Variants in ZNF98 observed in about 807,000 individuals in gnomAD.
ZNF98 encodes the protein zinc finger protein 98.
In ZNF98, 8 loss-of-function variants were observed where a neutral mutation model predicts 12.8. The observed-to-expected ratio is 0.63, with a 90% CI of 0.37 to 1.13. The LOEUF (loss-of-function observed/expected upper bound fraction) is 1.13, where lower values mean the gene tolerates loss of function less well. Among genes scored for constraint, ZNF98 ranks in the 50% most tolerant of loss-of-function variants. The pLI is 0.01. For missense variants in ZNF98, 379 were observed against 666.1 expected, an observed-to-expected ratio of 0.57 and a Z score of 4.74; for synonymous variants, 112 against 223.5, an observed-to-expected ratio of 0.50 and a Z score of 4.45.
intron 1 of ZNF98, among the ~76,000 whole-genome samples, chr19:22,416,967 C>T (rs1464629585): frequency 1.3e-5 from 2 of 152,106 alleles, no homozygotes; most frequent in South Asian, 2.1e-4. Flanking sequence ...CAGTGGCTCA[C>T]GCCTGTAATC....
chr19:22,397,594 G>A (rs1364217991), intron 3 of ZNF98, among the ~76,000 whole-genome samples: 3 of 147,776 alleles, frequency 2.0e-5, no homozygotes, highest in East Asian at 4.0e-4. Flanking sequence ...AGTATACAAC[G>A]AGAAAAAAAA....
intron 1 of ZNF98, 27 bp downstream of exon 1, chr19:22,422,168 T>C (rs758623993): frequency 6.2e-7 from 1 of 1,612,562 alleles, no homozygotes; most frequent in Non-Finnish European, 8.5e-7. Flanking sequence ...TTCTCCTCTC[T>C]AGGGATGTCG....
intron 1 of ZNF98, among the ~76,000 whole-genome samples, chr19:22,403,973 C>A (rs1969490375): frequency 3.9e-5 from 6 of 152,260 alleles, no homozygotes; most frequent in Admixed American, 1.3e-4. Context: ...GTAATCCCAG[C>A]ACTTTGGGAG....
At chr19:22,417,229 CAAAAAAAA>C (rs57152900) in intron 1 of ZNF98, among the ~76,000 whole-genome samples, 10 of 45,480 alleles carry the variant, frequency 2.2e-4, no homozygotes, top group African/African-American at 8.5e-4. Flanking sequence ...AACTCCATCT[CAAAAAAAA>C]AAAAAAAAAA....
At chr19:22,419,894 C>T (rs1969685163) in intron 1 of ZNF98, among the ~76,000 whole-genome samples, 1 of 151,980 alleles carries the variant, frequency 6.6e-6, no homozygotes, top group African/African-American at 2.4e-5. Flanking sequence ...CACGGTGGCT[C>T]AGCCTGTAGT....
At chr19:22,395,611 G>A (rs1205530848) in intron 3 of ZNF98, among the ~76,000 whole-genome samples, 1 of 151,386 alleles carries the variant, frequency 6.6e-6, no homozygotes, top group South Asian at 2.1e-4. Context: ...GTAAAAAATA[G>A]AAAAATAAAC....
In ZNF98 at chr19:22,418,118, T is replaced by G. The variant is rs1042002178; in HGVS notation, c.30+4077A>C. Among the ~76,000 whole-genome samples the G allele has an allele frequency of 1.8e-4, 27 of 152,212 alleles. 1 individual carries two copies. Among genetic ancestry groups the G allele is most frequent in the Admixed American group, 1.8e-3 (27 of 15,276 alleles). ...TTGTCTAACATTTGAATTTGAATTCTGACACCACCCAGAGTCAGCACAGAC... is the reference window on the plus strand; with the variant it reads ...TTGTCTAACATTTGAATTTGAATTCGGACACCACCCAGAGTCAGCACAGAC... On this transcript the variant is annotated intron_variant, in intron 1 of 3. Coordinates refer to ENST00000357774, the MANE Select transcript of ZNF98 (RefSeq NM_001098626.2).
At chr19:22,401,067 C>T (rs1283405418) in intron 3 of ZNF98, among the ~76,000 whole-genome samples, 2 of 145,822 alleles carry the variant, frequency 1.4e-5, no homozygotes, top group African/African-American at 2.6e-5. Context: ...CTCAATGCTT[C>T]TATTTTAACA....
chr19:22,399,901 C>G (rs1194702906), intron 3 of ZNF98, among the ~76,000 whole-genome samples: 1 of 152,172 alleles, frequency 6.6e-6, no homozygotes, highest in Non-Finnish European at 1.5e-5. Flanking sequence ...CAAGATCAAC[C>G]TGGGTCATGT....
Position 22,391,152 on chromosome 19 carries a change from C to A in ZNF98, c.*364G>T, listed in dbSNP as rs1413926108. The stretch of plus-strand genomic sequence containing the variant: ...AATGAATACAACAAGATCTGTGTTA[C>A]AAGTAAAGTTACCACAACTTCGTTT... On this transcript the variant is annotated 3_prime_UTR_variant, in exon 4 of 4. Transcript: ENST00000357774. 1 of 224,646 alleles carries A rather than the reference C, an allele frequency of 4.5e-6. No homozygotes were observed. Among genetic ancestry groups the A allele is most frequent in the East Asian group, 1.2e-4 (1 of 8,662 alleles). The allele number at this position is 224,646 out of a possible 1,614,324, so 13.9% of individuals were successfully genotyped here.
intron 1 of ZNF98, among the ~76,000 whole-genome samples, chr19:22,409,836 C>G (rs576363028): frequency 1.7e-4 from 25 of 147,842 alleles, no homozygotes; most frequent in Middle Eastern, 7.2e-3. Context: ...GGCTTGAACC[C>G]AGGAGGTAGA....
chr19:22,405,888 T>G (rs1206202721), intron 1 of ZNF98, among the ~76,000 whole-genome samples: 1 of 152,156 alleles, frequency 6.6e-6, no homozygotes, highest in African/African-American at 2.4e-5. Context: ...GGCCTGACTC[T>G]GACCCATCCC....
At chr19:22,410,141 T>C (rs990434225) in intron 1 of ZNF98, among the ~76,000 whole-genome samples, 9 of 152,264 alleles carry the variant, frequency 5.9e-5, no homozygotes, top group East Asian at 5.8e-4. Context: ...GAAACACTTT[T>C]ACACTGTTAG....
intron 1 of ZNF98, among the ~76,000 whole-genome samples, chr19:22,415,249 C>T (rs1218361284): frequency 6.6e-6 from 1 of 152,096 alleles, no homozygotes; most frequent in Non-Finnish European, 1.5e-5. Context: ...TACAGGAATG[C>T]TTATACCAGT....
chr19:22,422,216 T>C lies in ZNF98; in HGVS notation c.9A>G (p.Gly3=). Residue 3 remains glycine (G), a synonymous_variant, in exon 1 of 4, where the codon GGA becomes GGG. Transcript: ENST00000357774. ...TCACCATTTCTAGGCTTCCAAGGGGTCCTGGCATCTTAGCTGTGGATTCCC... is the reference window on the plus strand; with the variant it reads ...TCACCATTTCTAGGCTTCCAAGGGGCCCTGGCATCTTAGCTGTGGATTCCC... The part of the protein sequence containing the change: MP[G]PLGSLEMGVL... The C allele has an allele frequency of 6.2e-7, 1 of 1,612,634 alleles. No homozygotes were observed. Among genetic ancestry groups the C allele is most frequent in the African/African-American group, 1.3e-5 (1 of 74,910 alleles).
intron 3 of ZNF98, among the ~76,000 whole-genome samples, chr19:22,397,206 GTGTTTT>G (rs1969405166): frequency 1.3e-5 from 1 of 75,536 alleles, no homozygotes; most frequent in African/African-American, 3.7e-5. Flanking sequence ...GTGTGTGTGT[GTGTTTT>G]TGTGTGTGTG....
At chr19:22,401,478 T>G (rs529447552) in intron 3 of ZNF98, among the ~76,000 whole-genome samples, 55 of 142,036 alleles carry the variant, frequency 3.9e-4, no homozygotes, top group Non-Finnish European at 6.8e-4. Flanking sequence ...GTCTATTGAT[T>G]GAAAGAATTT....
rs1246177317 is a variant in ZNF98 at position 22,391,174 on chromosome 19, G to A, written c.*342C>T. ...TTACAAGTAAAGTTACCACAACTTC[G>A]TTTATATTTGTAATGTTTGTCTTCA... is the stretch of plus-strand genomic sequence containing the variant. On this transcript the variant is annotated 3_prime_UTR_variant, in exon 4 of 4. Transcript: ENST00000357774. The A allele has an allele frequency of 1.2e-5, 3 of 243,602 alleles. No homozygotes were observed. Among genetic ancestry groups the A allele is most frequent in the South Asian group, 6.3e-5 (1 of 15,852 alleles). 15.1% of individuals were successfully genotyped at this position (243,602 alleles called of 1,614,324 possible).
At chr19:22,407,484 C>G (rs972976903) in intron 1 of ZNF98, among the ~76,000 whole-genome samples, 1 of 150,278 alleles carries the variant, frequency 6.7e-6, no homozygotes, top group African/African-American at 2.4e-5. Context: ...GAGGCCAAGG[C>G]GGGTGAATCA....
Sources: gnomAD v4.1 joint callset for allele counts (sites outside exome capture counted in the v4.1 genomes callset) on GRCh38, gnomAD v4.1.1 for gene constraint, MANE v1.5 for transcripts, NCBI Gene and HGNC (gene_info 2026-07-23, HGNC 2026-07-21) for gene names.